The following FBXO7 variants were observed in gnomAD, a reference collection of about 807,000 sequenced individuals.
The protein encoded by FBXO7 is F-box only protein 7.
A neutral mutation model predicts 50.2 loss-of-function variants in FBXO7; 31 were observed. The observed-to-expected ratio is 0.62, with a 90% CI of 0.46 to 0.83. FBXO7 has a LOEUF of 0.83. Among genes scored for constraint, FBXO7 ranks in the 40% least tolerant of loss-of-function variants. The pLI is 0.00. For synonymous variants in FBXO7, 256 were observed against 253.1 expected, an observed-to-expected ratio of 1.01 and a Z score of -0.11; for missense variants, 667 against 646.6, an observed-to-expected ratio of 1.03 and a Z score of -0.34.
In FBXO7 at chr22:32,474,991, C is replaced by T. The variant is rs1388445759; in HGVS notation, c.-12C>T. On this transcript the variant is annotated 5_prime_UTR_variant, in exon 1 of 9. Transcript: ENST00000266087. ...TTCCGGGTCCAGGCCCCTCGGGCCG[C>T]CTGCCGCCGTCATGAGGCTGCGGGT... is the stretch of plus-strand genomic sequence containing the variant. The T allele has an allele frequency of 2.0e-6, 3 of 1,532,272 alleles. No individual in the cohort carries two copies. Among genetic ancestry groups the T allele is most frequent in the South Asian group, 2.4e-5 (2 of 83,324 alleles). 94.9% of individuals were successfully genotyped at this position (1,532,272 alleles called of 1,614,324 possible). A position where few individuals can be genotyped will look rare whatever the true frequency, so the allele number is the denominator to read the frequency against.
intron 6 of FBXO7, 66 bp downstream of exon 6, chr22:32,491,247 T>C: frequency 8.3e-7 from 1 of 1,202,814 alleles, no homozygotes; most frequent in Non-Finnish European, 1.2e-6. Context: ...TTAATATTCT[T>C]GGTGAGTATG....
chr22:32,485,220 A>G lies in FBXO7; in HGVS notation c.787+11A>G. The G allele has an allele frequency of 1.2e-6, 2 of 1,614,094 alleles. No individual in the cohort carries two copies. The highest frequency in any genetic ancestry group is 8.5e-7 in the Non-Finnish European group (1 of 1,179,962). ...TGATTGTTGTAAATGGTAATTGGAT[A>G]GCATAGTCATGGTTGCTGGTTTATG... On this transcript the variant is annotated intron_variant, in intron 4 of 8. Transcript: ENST00000266087.
intron 4 of FBXO7, among the ~76,000 whole-genome samples, chr22:32,485,897 A>C (rs191755836): frequency 5.3e-5 from 8 of 152,260 alleles, no homozygotes; most frequent in Middle Eastern, 6.8e-3. Context: ...CATACTGGAG[A>C]TCCATTTGAA....
Position 32,495,525 on chromosome 22 carries a change from A to G in FBXO7, c.1177A>G (p.Lys393Glu), listed in dbSNP as rs1173673734. The change falls in exon 8 of 9, where the codon AAA (lysine) becomes GAA (glutamate). Residue 393 changes from lysine (K) to glutamate (E), a missense_variant. Transcript: ENST00000266087. ...TGTCAGAGTTCAAGACACAGATTGG[A>G]AAGAAGTAGGTATTTTTAAATATTA... is the stretch of plus-strand genomic sequence containing the variant. ...NTVRVQDTDW[K>E]ELYRKRHIQR... is the part of the protein sequence containing the mutation. 1 of 1,554,698 alleles carries G rather than the reference A, an allele frequency of 6.4e-7. No individual in the cohort carries two copies. The highest frequency in any genetic ancestry group is 1.7e-5 in the Admixed American group (1 of 57,578).
intron 8 of FBXO7, among the ~76,000 whole-genome samples, chr22:32,497,650 G>A (rs529501276): frequency 1.3e-5 from 2 of 152,232 alleles, no homozygotes; most frequent in African/African-American, 4.8e-5. Flanking sequence ...AAGTTTTACT[G>A]TGGGTAAAAT....
At chr22:32,487,630 T>C (rs1366531420) in intron 4 of FBXO7, 115 bp from the exon 5 acceptor site, 4 of 699,754 alleles carry the variant, frequency 5.7e-6, no homozygotes, top group Non-Finnish European at 1.0e-5. Context: ...CAGTTTGTTT[T>C]GTATAATGTG....
rs753236615 is a variant in FBXO7, at chr22:32,491,123, A to G, written c.909A>G (p.Lys303=). ...CCAACATATACAAAGATCTTCAGAA[A>G]CTCTCTCGCCTCTTTAAAGACCAGC... ...NVANIYKDLQ[K]LSRLFKDQLV... is the part of the protein sequence containing the mutation. Residue 303 remains lysine, a synonymous_variant, in exon 6 of 9, where the codon AAA becomes AAG. Coordinates refer to ENST00000266087, the MANE Select transcript of FBXO7 (RefSeq NM_012179.4). 1.1e-5 allele frequency: 17 copies of G among 1,613,306 alleles called. No homozygotes were observed. In the Admixed American group the frequency reaches 2.8e-4, roughly 27 times the overall value.
At chr22:32,485,271 G>A in intron 4 of FBXO7, 62 bp downstream of exon 4, 1 of 1,602,236 alleles carries the variant, frequency 6.2e-7, no homozygotes, top group Non-Finnish European at 8.5e-7. Flanking sequence ...CTTTCCAAAT[G>A]TTTTATAGCC....
intron 6 of FBXO7, 176 bp downstream of exon 6, chr22:32,491,357 A>G (rs1240463161): frequency 5.3e-6 from 3 of 566,664 alleles, no homozygotes; most frequent in East Asian, 3.1e-5. Context: ...TTGTATCTCC[A>G]TGCCATTTTG....
At chr22:32,494,538 T>C (rs2057559878) in intron 7 of FBXO7, among the ~76,000 whole-genome samples, 1 of 152,044 alleles carries the variant, frequency 6.6e-6, no homozygotes, top group African/African-American at 2.4e-5. Flanking sequence ...TTGTTTTTAG[T>C]GGAGACAAAG....
chr22:32,484,826 A>G (rs994428199), intron 3 of FBXO7, among the ~76,000 whole-genome samples: 1 of 152,206 alleles, frequency 6.6e-6, no homozygotes, highest in Non-Finnish European at 1.5e-5. Context: ...CCCTGTTTCC[A>G]TGATGCAGTT....
intron 5 of FBXO7, 61 bp downstream of exon 5, chr22:32,487,889 ATC>A: frequency 9.7e-7 from 1 of 1,029,684 alleles, no homozygotes; most frequent in Non-Finnish European, 1.5e-6. Context: ...TAAGAAAAAA[ATC>A]TGAAAGATAA....
At chr22:32,483,692 A>G (rs2057479392) in intron 2 of FBXO7, among the ~76,000 whole-genome samples, 1 of 152,222 alleles carries the variant, frequency 6.6e-6, no homozygotes, top group Non-Finnish European at 1.5e-5. Flanking sequence ...TTGACATACC[A>G]GCTAGAATTA....
rs775870475 is a variant in FBXO7, at chr22:32,479,155, G to C, written c.297G>C (p.Gln99His). 1 of 1,613,942 alleles carries C rather than the reference G, an allele frequency of 6.2e-7. No homozygotes were observed. The highest frequency in any genetic ancestry group is 2.2e-5 in the East Asian group (1 of 44,870). ...SSTDSEHSSL[Q>H]NNEQPSLATS... The stretch of plus-strand genomic sequence containing the variant: ...CAGATTCAGAGCATTCTTCACTCCA[G>C]AATAATGAGCAACCCTCTTTGGCCA... Residue 99 changes from glutamine to histidine, a missense_variant, in exon 2 of 9, where the codon CAG becomes CAC. Transcript: ENST00000266087.
At chr22:32,496,221 C>T (rs964343304) in intron 8 of FBXO7, among the ~76,000 whole-genome samples, 2 of 152,192 alleles carry the variant, frequency 1.3e-5, no homozygotes, top group Non-Finnish European at 2.9e-5. Context: ...TGGCTCACGC[C>T]TGTAATCCCA....
At chr22:32,496,326 C>T (rs1199970293) in intron 8 of FBXO7, among the ~76,000 whole-genome samples, 1 of 151,934 alleles carries the variant, frequency 6.6e-6, no homozygotes, top group Non-Finnish European at 1.5e-5. Flanking sequence ...ACTAAAAATA[C>T]AAAAAATTAG....
chr22:32,479,187 C>G lies in FBXO7; in HGVS notation c.329C>G (p.Ser110Cys). ...NNEQPSLATS[S>C]NQTSMQDEQP... Reference sequence around the variant, plus strand: ...GAGCAACCCTCTTTGGCCACCAGCTCCAATCAGACTAGCATGCAGGATGAA... The same window carrying G: ...GAGCAACCCTCTTTGGCCACCAGCTGCAATCAGACTAGCATGCAGGATGAA... Residue 110 changes from serine (S) to cysteine (C), a missense_variant, in exon 2 of 9, where the codon TCC becomes TGC. Transcript: ENST00000266087. 1 of 1,614,038 alleles carries G rather than the reference C, an allele frequency of 6.2e-7. No individual in the cohort carries two copies. Among genetic ancestry groups the G allele is most frequent in the Non-Finnish European group, 8.5e-7 (1 of 1,180,024 alleles).
At chr22:32,487,701 GAA>G (rs771296060) in intron 4 of FBXO7, 42 bp from the exon 5 acceptor site, 5 of 1,266,144 alleles carry the variant, frequency 3.9e-6, no homozygotes, top group Non-Finnish European at 5.8e-6. Flanking sequence ...GGCAGTTGAT[GAA>G]GTGACAGAAT....
intron 7 of FBXO7, 73 bp downstream of exon 7, chr22:32,493,354 T>C: frequency 7.8e-7 from 1 of 1,285,138 alleles, no homozygotes; most frequent in South Asian, 1.2e-5. Context: ...CAAAAGTTTT[T>C]AGTTGTAGGA....
Sources: allele counts gnomAD v4.1 joint callset (sites outside exome capture counted in the v4.1 genomes callset), GRCh38; gene constraint gnomAD v4.1.1; transcripts MANE v1.5; gene names NCBI Gene and HGNC (gene_info 2026-07-23, HGNC 2026-07-21).